GSG1: variants seen among roughly 807,000 people sequenced by gnomAD.
The protein encoded by GSG1 is germ cell associated 1, also known as germ cell-specific gene 1 protein.
GSG1 carries 28 observed loss-of-function variants against 30.8 expected under a neutral mutation model. The ratio of observed to expected loss-of-function variants is 0.91; its 90% CI spans 0.67 to 1.25. GSG1 has a LOEUF of 1.25. GSG1 is among the 50% of genes most tolerant of loss of function. The pLI is 0.00. For missense variants in GSG1, 435 were observed against 444.7 expected (o/e 0.98, Z 0.20); for synonymous variants, 162 against 178.0 (o/e 0.91, Z 0.71).
intron 2 of GSG1, 73 bp from the exon 3 acceptor site, chr12:13,089,349 C>A (rs1306954344): frequency 1.3e-6 from 2 of 1,546,104 alleles, no homozygotes; most frequent in South Asian, 2.4e-5. Context: ...TCGCTTTTAG[C>A]TGAAATAGGG....
intron 1 of GSG1, among the ~76,000 whole-genome samples, chr12:13,102,860 C>A (rs1166833664): frequency 6.6e-6 from 1 of 152,266 alleles, no homozygotes; most frequent in Non-Finnish European, 1.5e-5. Flanking sequence ...CAAGCCGCAA[C>A]TTCTCTGCAG....
At chr12:13,090,360 G>A in intron 2 of GSG1, 143 bp downstream of exon 2, 2 of 680,900 alleles carry the variant, frequency 2.9e-6, no homozygotes, top group East Asian at 2.7e-5. Context: ...CTGGGAGAAG[G>A]GAGTGAGGCC....
chr12:13,095,591 C>A, intron 1 of GSG1: 1 of 1,614,146 alleles, frequency 6.2e-7, no homozygotes, highest in Non-Finnish European at 8.5e-7. Flanking sequence ...GGAGGGGAAG[C>A]CGGTTACCTT....
intron 5 of GSG1, among the ~76,000 whole-genome samples, chr12:13,087,522 T>C (rs1314937288): frequency 3.3e-5 from 5 of 152,178 alleles, no homozygotes; most frequent in Admixed American, 2.0e-4. Context: ...CCAAGGCCAC[T>C]GCACACCACC....
rs1443311646 is a variant in GSG1, at chr12:13,093,728, G to A, written c.49-2910C>T. Among the ~76,000 whole-genome samples, 4 of 152,220 alleles carry A rather than the reference G, an allele frequency of 2.6e-5. No individual in the cohort carries two copies. The East Asian group carries it at 5.8e-4, about 22-fold the overall frequency. On this transcript the variant is annotated intron_variant, in intron 1 of 6. Coordinates refer to ENST00000651961, the MANE Select transcript of GSG1 (RefSeq NM_001080555.4). This position sits in a 1 kb window ranked among gnomAD's most constrained non-coding sequence, Gnocchi z 4.6. ...CTGGAGGGCCGTGTCTTCCAGCCTG[G>A]TGCAGAAGTGCCTGCCTCACAGTGG...
chr12:13,088,918 T>C lies in GSG1; in HGVS notation c.434-9A>G, dbSNP rs1865819576. The stretch of plus-strand genomic sequence containing the variant: ...ACTTCGGCACCTCTCCCCTGAAACA[T>C]ACAAGGTACAACGTCATGGAGCTAC... On this transcript the variant is annotated splice_polypyrimidine_tract_variant and intron_variant, in intron 3 of 6. Coordinates refer to ENST00000651961, the MANE Select transcript of GSG1 (RefSeq NM_001080555.4). 1 of 1,613,894 alleles carries C rather than the reference T, an allele frequency of 6.2e-7. No homozygotes were observed. The highest frequency in any genetic ancestry group is 2.2e-5 in the East Asian group (1 of 44,890).
chr12:13,090,113 A>T (rs1865935580), intron 2 of GSG1, among the ~76,000 whole-genome samples: 1 of 152,234 alleles, frequency 6.6e-6, no homozygotes, highest in Admixed American at 6.5e-5. Flanking sequence ...GGGCTTTCCT[A>T]CAATATTCCT....
At chr12:13,092,950 C>G (rs1412306850) in intron 1 of GSG1, among the ~76,000 whole-genome samples, 1 of 151,668 alleles carries the variant, frequency 6.6e-6, no homozygotes, top group Admixed American at 6.6e-5. Flanking sequence ...TGCCACCATG[C>G]CTGGCTAATT....
chr12:13,099,006 G>A (rs190319115), intron 1 of GSG1, among the ~76,000 whole-genome samples: 2 of 152,204 alleles, frequency 1.3e-5, no homozygotes, highest in Non-Finnish European at 1.5e-5. Context: ...GAGGGCCTCC[G>A]AAATTATATT....
intron 1 of GSG1, among the ~76,000 whole-genome samples, chr12:13,092,264 T>C (rs1591641282): frequency 6.6e-6 from 1 of 152,304 alleles, no homozygotes. Flanking sequence ...TGTACCTTTA[T>C]GGTGAGTGCC....
chr12:13,087,378 C>T (rs1263347573), intron 5 of GSG1, 115 bp from the exon 6 acceptor site: 2 of 704,654 alleles, frequency 2.8e-6, no homozygotes, highest in Non-Finnish European at 5.0e-6. Context: ...TTGGAGTAGC[C>T]CATTACCCTA....
At chr12:13,085,886 G>A (rs540085116) in intron 6 of GSG1, among the ~76,000 whole-genome samples, 2 of 152,174 alleles carry the variant, frequency 1.3e-5, no homozygotes, top group Non-Finnish European at 2.9e-5. Context: ...TTGGCTTAAG[G>A]GAGTTTGTAA....
At position 13,093,334 on chromosome 12, in the gene GSG1, A is replaced by G. The variant is rs908187556; in HGVS notation, c.49-2516T>C. ...GCACTGACTTGCTGAAGCATTTGCT[A>G]TTGTAACAAAGTGAGCTATTGGTGT... On this transcript the variant is annotated intron_variant, in intron 1 of 6. Transcript: ENST00000651961. This position sits in a 1 kb window ranked among gnomAD's most constrained non-coding sequence, Gnocchi z 4.6. Among the ~76,000 whole-genome samples the G allele has an allele frequency of 3.3e-5, 5 of 152,162 alleles. No individual in the cohort carries two copies. The highest frequency in any genetic ancestry group is 7.2e-5 in the African/African-American group (3 of 41,444).
intron 6 of GSG1, 67 bp downstream of exon 6, chr12:13,087,085 G>T: frequency 9.5e-7 from 1 of 1,057,210 alleles, no homozygotes; most frequent in Non-Finnish European, 1.5e-6. Context: ...TAAGCATCTA[G>T]CTGAGGGCAG....
At chr12:13,102,743 T>C (rs986402493) in intron 1 of GSG1, among the ~76,000 whole-genome samples, 1 of 152,266 alleles carries the variant, frequency 6.6e-6, no homozygotes, top group Admixed American at 6.5e-5. Context: ...TTTTCTCTCC[T>C]GAGAAAGGCA....
In GSG1 at chr12:13,090,787, C is replaced by G. The variant is rs771398700; in HGVS notation, c.80G>C (p.Arg27Pro). 2.5e-6 allele frequency: 4 copies of G among 1,613,454 alleles called. No homozygotes were observed. In the South Asian group the frequency reaches 4.4e-5, roughly 18 times the overall value. Reference sequence around the variant, plus strand: ...GCTGAGGATGGCAGATAGGAGTGTCCGCTGGCCAGAGAAGGCCTTCGAGAG... The same window carrying G: ...GCTGAGGATGGCAGATAGGAGTGTCGGCTGGCCAGAGAAGGCCTTCGAGAG... ...MELSKAFSGQRTLLSAILSML... is the reference protein window; with the variant it reads ...MELSKAFSGQPTLLSAILSML... Residue 27 changes from arginine (R) to proline (P), a missense_variant, in exon 2 of 7, where the codon CGG (arginine) becomes CCG (proline). Arg to Pro is a moderately radical substitution (Grantham distance 103). Transcript: ENST00000651961.
intron 1 of GSG1, among the ~76,000 whole-genome samples, chr12:13,099,614 T>A (rs560308307): frequency 6.6e-4 from 100 of 152,294 alleles, no homozygotes; most frequent in African/African-American, 2.2e-3. Flanking sequence ...GGAATGCAAT[T>A]TATTGTTTTG....
intron 1 of GSG1, among the ~76,000 whole-genome samples, chr12:13,094,658 T>C (rs532939742): frequency 6.6e-6 from 1 of 152,330 alleles, no homozygotes; most frequent in African/African-American, 2.4e-5. Context: ...GAAATGGACT[T>C]CCAGGTAAAA....
rs918448661 is a variant in GSG1 at position 13,101,372 on chromosome 12, C to G, written c.48+2093G>C. ...GTGTTTGGCATTGTTTGCGAGGCCCCGCCCCGCGGCCGCCAACCACCCATG... is the reference window on the plus strand; with the variant it reads ...GTGTTTGGCATTGTTTGCGAGGCCCGGCCCCGCGGCCGCCAACCACCCATG... On this transcript the variant is annotated intron_variant, in intron 1 of 6. Transcript: ENST00000651961. The surrounding 1 kb of genome is among the most constrained non-coding windows in gnomAD (Gnocchi z 5.8). Among the ~76,000 whole-genome samples, 7 of 152,228 alleles carry G rather than the reference C, an allele frequency of 4.6e-5. No homozygotes were observed. The highest frequency in any genetic ancestry group is 8.8e-5 in the Non-Finnish European group (6 of 68,040).
Sources: allele counts gnomAD v4.1 joint callset (sites outside exome capture counted in the v4.1 genomes callset), GRCh38; gene constraint gnomAD v4.1.1; non-coding constraint Gnocchi (gnomAD v3.1); transcripts MANE v1.5; gene names NCBI Gene and HGNC (gene_info 2026-07-23, HGNC 2026-07-21).